TBXAS1: variants seen among roughly 807,000 people sequenced by gnomAD.
TBXAS1 encodes thromboxane A synthase 1, also known as thromboxane-A synthase.
TBXAS1 carries 48 observed loss-of-function variants against 60.7 expected under a neutral mutation model. The ratio of observed to expected loss-of-function variants is 0.79; its 90% confidence interval spans 0.63 to 1.01. TBXAS1 has a LOEUF of 1.01. Ranked by LOEUF, TBXAS1 falls within the 50% of genes least tolerant of loss-of-function variation. The pLI, the probability that TBXAS1 is intolerant of heterozygous loss-of-function variation, is 0.00. For synonymous variants in TBXAS1, 287 were observed against 269.7 expected (o/e 1.06, Z -0.63); for missense variants, 685 against 686.3 (o/e 1.00, Z 0.02).
At chr7:139,829,581 T>C in intron 1 of TBXAS1, 102 bp downstream of exon 1, 1 of 1,093,424 alleles carries the variant, frequency 9.1e-7, no homozygotes, top group Non-Finnish European at 1.4e-6. Flanking sequence ...TTTTCTTCTT[T>C]TCTAATCTAG....
At chr7:139,829,875 C>T (rs375843539) in intron 1 of TBXAS1, among the ~76,000 whole-genome samples, 7 of 152,262 alleles carry the variant, frequency 4.6e-5, no homozygotes, top group African/African-American at 1.7e-4. Flanking sequence ...GTTCATATTA[C>T]ATTCAAAACA....
intron 3 of TBXAS1, among the ~76,000 whole-genome samples, chr7:139,892,827 C>T (rs768141425): frequency 3.3e-5 from 5 of 152,066 alleles, no homozygotes; most frequent in East Asian, 1.9e-4. Context: ...CTCACCAGCT[C>T]GGGGTGAGCT....
chr7:139,779,768 G>C (rs1402792730), intron 1 of TBXAS1, among the ~76,000 whole-genome samples: 1 of 152,190 alleles, frequency 6.6e-6, no homozygotes, highest in Non-Finnish European at 1.5e-5. Flanking sequence ...GAGTGCCTTG[G>C]CTTTTCATCA....
At chr7:139,961,896 A>G in intron 8 of TBXAS1, 23 bp from the exon 9 acceptor site, 1 of 1,614,088 alleles carries the variant, frequency 6.2e-7, no homozygotes. Context: ...CAAAATGTGC[A>G]TTTTTCTCCT....
At chr7:139,992,461 G>A (rs981059709) in intron 9 of TBXAS1, among the ~76,000 whole-genome samples, 8 of 152,350 alleles carry the variant, frequency 5.3e-5, no homozygotes, top group East Asian at 3.9e-4. Context: ...GGGGAAGCTC[G>A]CGGAGCCATG....
rs560100291 is a variant in TBXAS1, at chr7:139,994,767, T to TAA, written c.1135-12323_1135-12322insAA. 6.9e-3 allele frequency among the ~76,000 whole-genome samples: 1,054 copies of TAA among 152,328 alleles called. 12 individuals are homozygous for TAA. Among genetic ancestry groups the TAA allele is most frequent in the Non-Finnish European group, 0.012 (800 of 68,016 alleles). On this transcript the variant is annotated intron_variant, in intron 9 of 12. Transcript: ENST00000448866. Reference sequence around the variant, plus strand: ...CAATAGAAGGATTTCTGCAGGTTCTTAGAGTTGGTAGCAAAGGGATTTAAC... The same window carrying TAA: ...CAATAGAAGGATTTCTGCAGGTTCTTAAAGAGTTGGTAGCAAAGGGATTTAAC...
chr7:139,877,252 A>G (rs1802310845), intron 3 of TBXAS1, among the ~76,000 whole-genome samples: 1 of 152,088 alleles, frequency 6.6e-6, no homozygotes, highest in South Asian at 2.1e-4. Flanking sequence ...TTCACTCCCT[A>G]AGATCTCTTT....
chr7:139,787,335 T>C (rs1355001564), intron 3 of TBXAS1: 1 of 152,254 alleles, frequency 6.6e-6, no homozygotes. Flanking sequence ...ATCTTTTCTT[T>C]AGGAGACATA....
intron 4 of TBXAS1, among the ~76,000 whole-genome samples, chr7:139,814,458 T>C (rs1237516793): frequency 6.6e-6 from 1 of 152,130 alleles, no homozygotes; most frequent in African/African-American, 2.4e-5. Context: ...CTTGATTGTA[T>C]CCAGTTGGTC....
intron 9 of TBXAS1, among the ~76,000 whole-genome samples, chr7:139,990,463 C>T (rs1812807221): frequency 6.6e-6 from 1 of 152,126 alleles, no homozygotes; most frequent in South Asian, 2.1e-4. Flanking sequence ...TTGACTTGGC[C>T]ACGCCCAGAG....
rs559545963 is a variant in TBXAS1 at position 139,936,445 on chromosome 7, C to T, written c.450+138C>T. ...GCCTTTCCCACTGGGACCTTCAGAC[C>T]TCTCTGTTATGCAGAAAGCACGGGA... On this transcript the variant is annotated intron_variant, in intron 5 of 12. Transcript: ENST00000448866. 8.8e-4 allele frequency: 771 copies of T among 872,982 alleles called. 1 individual carries two copies. The highest frequency in any genetic ancestry group is 1.2e-3 in the Non-Finnish European group (599 of 519,200). 54.1% of individuals were successfully genotyped at this position (872,982 alleles called of 1,614,324 possible).
At chr7:139,964,838 G>A (rs1380052139) in intron 9 of TBXAS1, among the ~76,000 whole-genome samples, 1 of 152,222 alleles carries the variant, frequency 6.6e-6, no homozygotes, top group Non-Finnish European at 1.5e-5. Flanking sequence ...CATTTAGAGA[G>A]CCATGGGGCG....
At chr7:139,900,579 A>G (rs897475634) in intron 3 of TBXAS1, among the ~76,000 whole-genome samples, 3 of 152,260 alleles carry the variant, frequency 2.0e-5, no homozygotes, top group Admixed American at 2.0e-4. Flanking sequence ...ATTTCAAATT[A>G]TGGGAAACCC....
intron 5 of TBXAS1, among the ~76,000 whole-genome samples, chr7:139,943,590 G>A (rs1275869619): frequency 6.6e-6 from 1 of 152,198 alleles, no homozygotes; most frequent in African/African-American, 2.4e-5. Context: ...GCTTGGCAAC[G>A]CCAGCAGCCA....
At chr7:139,805,690 CTTTCTTTCTTTCTTTCTT>C (rs1233721228) in intron 4 of TBXAS1, among the ~76,000 whole-genome samples, 51 of 28,296 alleles carry the variant, frequency 1.8e-3, no homozygotes, top group Non-Finnish European at 2.0e-3. Flanking sequence ...TTCTTTCTTT[CTTTCTTTCTTTCTTTCTT>C]TCTTTCTCTC....
chr7:139,805,155 C>T (rs928828126), intron 4 of TBXAS1, among the ~76,000 whole-genome samples: 6 of 152,366 alleles, frequency 3.9e-5, no homozygotes, highest in Admixed American at 1.3e-4. Context: ...CCATCAGTGG[C>T]GCTAGCCAGG....
chr7:139,953,104 C>T (rs2117316711), intron 5 of TBXAS1, among the ~76,000 whole-genome samples: 1 of 152,308 alleles, frequency 6.6e-6, no homozygotes, highest in African/African-American at 2.4e-5. Flanking sequence ...ATAATTATTT[C>T]ACCGTATTCA....
At chr7:139,891,460 G>T (rs150938955) in intron 3 of TBXAS1, among the ~76,000 whole-genome samples, 2 of 152,198 alleles carry the variant, frequency 1.3e-5, no homozygotes, top group East Asian at 3.9e-4. Flanking sequence ...TGAAAAGGGC[G>T]TGTGGCTAGT....
intron 1 of TBXAS1, among the ~76,000 whole-genome samples, chr7:139,848,904 G>A (rs1324927149): frequency 6.6e-6 from 1 of 152,146 alleles, no homozygotes; most frequent in African/African-American, 2.4e-5. Context: ...TCTACCTCAT[G>A]CTCCAAGATT....
Sources: allele counts gnomAD v4.1 joint callset (sites outside exome capture counted in the v4.1 genomes callset), GRCh38; gene constraint gnomAD v4.1.1; transcripts MANE v1.5; gene names NCBI Gene and HGNC (gene_info 2026-07-23, HGNC 2026-07-21).